SNX11: variants seen among roughly 807,000 people sequenced by gnomAD.
SNX11 encodes the protein sorting nexin 11, also known as sorting nexin-11.
A neutral mutation model predicts 30.7 loss-of-function variants in SNX11; 19 were observed. That is an observed-to-expected ratio of 0.62 (90% CI 0.43 to 0.91). The LOEUF (loss-of-function observed/expected upper bound fraction) is 0.91. Ranked by LOEUF, SNX11 falls within the 40% of genes least tolerant of loss-of-function variation. SNX11 has a pLI of 0.00. For synonymous variants in SNX11, 112 were observed against 119.0 expected (o/e 0.94, Z 0.38); for missense variants, 302 against 326.7 (o/e 0.92, Z 0.58).
At chr17:48,117,548 C>T (rs75199436) in intron 4 of SNX11, among the ~76,000 whole-genome samples, 2,955 of 151,716 alleles carry the variant, frequency 0.019, 104 homozygotes, top group African/African-American at 0.068. Flanking sequence ...TGAGCCACCG[C>T]GCCTGGCTGT....
chr17:48,118,736 T>C lies in SNX11; in HGVS notation c.263T>C (p.Phe88Ser), dbSNP rs1433788191. 1.9e-6 allele frequency: 3 copies of C among 1,613,948 alleles called. No homozygotes were observed. The highest frequency in any genetic ancestry group is 2.7e-5 in the African/African-American group (2 of 74,924). Residue 88 changes from phenylalanine to serine, a missense_variant, in exon 5 of 7, where the codon TTC becomes TCC. Coordinates refer to ENST00000359238, the MANE Select transcript of SNX11 (RefSeq NM_013323.3). ...PVPELPGKSTFFGTSDEFIEK... is the reference protein window; with the variant it reads ...PVPELPGKSTSFGTSDEFIEK... ...CCTGAACTTCCTGGGAAGTCAACCTTCTTCGGCACCTCAGATGAGTTCATT... is the reference window on the plus strand; with the variant it reads ...CCTGAACTTCCTGGGAAGTCAACCTCCTTCGGCACCTCAGATGAGTTCATT...
Position 48,118,983 on chromosome 17 carries a change from G to A in SNX11, c.336G>A (p.Gln112=), listed in dbSNP as rs1301957085. The A allele has an allele frequency of 1.9e-6, 3 of 1,614,000 alleles. No individual in the cohort carries two copies. In the African/African-American group the frequency reaches 4.0e-5, roughly 22 times the overall value. The stretch of plus-strand genomic sequence containing the variant: ...CCTGTGTTTTTCCCAGGGTCCTGCA[G>A]AGTGTGGTTCTCCTGTCAGACAGCC... ...GLQHFLEKVL[Q]SVVLLSDSQL... The change falls in exon 6 of 7, where the codon CAG becomes CAA. Residue 112 remains glutamine (Q), a synonymous_variant. Coordinates refer to ENST00000359238, the MANE Select transcript of SNX11 (RefSeq NM_013323.3).
Position 48,119,020 on chromosome 17 carries a change from T to C in SNX11, c.373T>C (p.Phe125Leu). The change falls in exon 6 of 7, where the codon TTC becomes CTC. Residue 125 changes from phenylalanine to leucine, a missense_variant. Transcript: ENST00000359238. ...VLLSDSQLHL[F>L]LQSQLSVPEI... ...CCTGTCAGACAGCCAGTTGCACCTA[T>C]TCCTGCAAAGCCAGCTCTCGGTGCC... The C allele has an allele frequency of 6.2e-7, 1 of 1,614,114 alleles. No homozygotes were observed. The highest frequency in any genetic ancestry group is 8.5e-7 in the Non-Finnish European group (1 of 1,180,006).
chr17:48,111,765 T>C (rs2063494959), intron 1 of SNX11, among the ~76,000 whole-genome samples: 2 of 152,146 alleles, frequency 1.3e-5, no homozygotes, highest in Admixed American at 6.6e-5. Flanking sequence ...TGACAAACTT[T>C]CTGTAGACTC....
At chr17:48,115,906 G>A (rs2063540672) in intron 4 of SNX11, among the ~76,000 whole-genome samples, 1 of 150,834 alleles carries the variant, frequency 6.6e-6, no homozygotes, top group South Asian at 2.1e-4. Context: ...CCTCCAGCCT[G>A]GCCTGTTTTT....
intron 4 of SNX11, 49 bp from the exon 5 acceptor site, chr17:48,118,655 A>G: frequency 7.6e-7 from 1 of 1,308,156 alleles, no homozygotes; most frequent in Non-Finnish European, 1.1e-6. Flanking sequence ...CGGAATGACT[A>G]TCTTAGATGT....
intron 1 of SNX11, chr17:48,108,061 C>A (rs1397339771): frequency 6.6e-6 from 1 of 150,618 alleles, no homozygotes; most frequent in East Asian, 1.9e-4. Context: ...TCCTACCCCC[C>A]AAGCTTAATC....
In SNX11 at chr17:48,122,806, C is replaced by A. The variant is rs2063613608; in HGVS notation, c.*1298C>A. The stretch of plus-strand genomic sequence containing the variant: ...CAGAGAAGGAGGGAGTGAGCGCTGG[C>A]AGTATTTCCTTTCATAAATCATGAA... On this transcript the variant is annotated 3_prime_UTR_variant, in exon 7 of 7. Transcript: ENST00000359238. The A allele has an allele frequency of 2.0e-5, 3 of 152,158 alleles. No individual in the cohort carries two copies. Among genetic ancestry groups the A allele is most frequent in the Admixed American group, 2.0e-4 (3 of 15,264 alleles). The allele number at this position is 152,158 out of a possible 1,614,324, so 9.4% of individuals were successfully genotyped here.
rs1239473058 is a variant in SNX11, at chr17:48,122,987, T to G, written c.*1479T>G. 6.6e-6 allele frequency: 1 copy of G among 152,190 alleles called. No individual in the cohort carries two copies. Among genetic ancestry groups the G allele is most frequent in the African/African-American group, 2.4e-5 (1 of 41,448 alleles). 9.4% of individuals were successfully genotyped at this position (152,190 alleles called of 1,614,324 possible). A position where few individuals can be genotyped will look rare whatever the true frequency, so the allele number is the denominator to read the frequency against. ...TGGGCGTGAACCTTGTTAGGTATAA[T>G]TTACCTGATGCTGCTTCCATCCTCG... On this transcript the variant is annotated 3_prime_UTR_variant, in exon 7 of 7. Transcript: ENST00000359238.
chr17:48,120,691 T>C (rs964843357), intron 6 of SNX11, among the ~76,000 whole-genome samples: 36 of 151,462 alleles, frequency 2.4e-4, no homozygotes, highest in African/African-American at 8.5e-4. Flanking sequence ...TTTGTATTTT[T>C]AGTAGAGACG....
chr17:48,118,503 G>A (rs956814936), intron 4 of SNX11, among the ~76,000 whole-genome samples: 3 of 151,776 alleles, frequency 2.0e-5, no homozygotes, highest in Admixed American at 1.3e-4. Context: ...GCTTGAACCC[G>A]GGAGGCAGAC....
chr17:48,119,485 T>G (rs1383040256), intron 6 of SNX11, among the ~76,000 whole-genome samples: 2 of 152,188 alleles, frequency 1.3e-5, no homozygotes, highest in Non-Finnish European at 2.9e-5. Flanking sequence ...GGACGCTCAC[T>G]CTTTCACCCA....
chr17:48,117,440 T>A (rs7213339), intron 4 of SNX11, among the ~76,000 whole-genome samples: 110,160 of 151,450 alleles, frequency 0.73, 40,789 homozygotes, highest in Admixed American at 0.82. Context: ...ATTTTTTAGT[T>A]GAGATGGGGT....
chr17:48,118,431 T>C (rs2063566264), intron 4 of SNX11, among the ~76,000 whole-genome samples: 1 of 151,876 alleles, frequency 6.6e-6, no homozygotes, highest in Non-Finnish European at 1.5e-5. Flanking sequence ...TACAAAAAAT[T>C]AGCTGGGTGT....
chr17:48,111,802 A>G (rs1324963047), intron 1 of SNX11: 4 of 529,778 alleles, frequency 7.6e-6, no homozygotes, highest in Non-Finnish European at 1.0e-5. Context: ...GAGGTGGCCT[A>G]GTTGAGGGCC....
Position 48,121,152 on chromosome 17 carries a change from A to AT in SNX11, c.540-80dup, listed in dbSNP as rs1441712788. The AT allele has an allele frequency of 4.1e-6, 6 of 1,448,766 alleles. No individual in the cohort carries two copies. The East Asian group carries it at 1.1e-4, about 28-fold the overall frequency. 89.7% of individuals were successfully genotyped at this position (1,448,766 alleles called of 1,614,324 possible). A position where few individuals can be genotyped will look rare whatever the true frequency, so the allele number is the denominator to read the frequency against. On this transcript the variant is annotated intron_variant, in intron 6 of 6. Transcript: ENST00000359238. The stretch of plus-strand genomic sequence containing the variant: ...AGGCACATGCCAACATCCCTGGCTA[A>AT]TTTATTTTTTTGTAGAGACGGAGTC...
chr17:48,117,316 A>G (rs1291851702), intron 4 of SNX11, among the ~76,000 whole-genome samples: 1 of 148,980 alleles, frequency 6.7e-6, no homozygotes, highest in Non-Finnish European at 1.5e-5. Flanking sequence ...GTGCAAGGGT[A>G]CAATCTCAGC....
At chr17:48,113,074 G>A (rs1222999289) in intron 3 of SNX11, among the ~76,000 whole-genome samples, 7 of 152,162 alleles carry the variant, frequency 4.6e-5, no homozygotes, top group African/African-American at 1.2e-4. Flanking sequence ...TGGTGGACCC[G>A]AGACAGAAGA....
intron 4 of SNX11, among the ~76,000 whole-genome samples, chr17:48,117,048 C>G (rs1283934586): frequency 6.6e-6 from 1 of 150,860 alleles, no homozygotes; most frequent in Non-Finnish European, 1.5e-5. Flanking sequence ...ATTTTCTTTT[C>G]TTTTCTCTTT....
Sources: allele counts gnomAD v4.1 joint callset (sites outside exome capture counted in the v4.1 genomes callset), GRCh38; gene constraint gnomAD v4.1.1; transcripts MANE v1.5; gene names NCBI Gene and HGNC (gene_info 2026-07-23, HGNC 2026-07-21).